Variants in GLDC observed in about 807,000 individuals in gnomAD.
The protein encoded by GLDC is glycine dehydrogenase (decarboxylating), mitochondrial.
In GLDC, 104 loss-of-function variants were observed where a neutral mutation model predicts 121.3. That is an observed-to-expected ratio of 0.86 (90% confidence interval 0.73 to 1.01). The LOEUF is 1.01. Ranked by LOEUF, GLDC falls within the 50% of genes least tolerant of loss-of-function variation. The pLI is 0.00. For missense variants in GLDC, 1,429 were observed against 1,306.6 expected, an observed-to-expected ratio of 1.09 and a Z score of -1.44; for synonymous variants, 546 against 480.6, an observed-to-expected ratio of 1.14 and a Z score of -1.78.
chr9:6,555,105 G>C (rs1348047039), intron 18 of GLDC, among the ~76,000 whole-genome samples: 1 of 152,224 alleles, frequency 6.6e-6, no homozygotes, highest in Admixed American at 6.5e-5. Flanking sequence ...TCTAACACAA[G>C]AAAGGGCAGA....
At chr9:6,577,256 G>A (rs1274607842) in intron 15 of GLDC, among the ~76,000 whole-genome samples, 1 of 152,244 alleles carries the variant, frequency 6.6e-6, no homozygotes, top group African/African-American at 2.4e-5. Context: ...TGTATTCTGA[G>A]TCCACTTGAT....
At chr9:6,628,636 A>G (rs1422317971) in intron 2 of GLDC, among the ~76,000 whole-genome samples, 2 of 152,208 alleles carry the variant, frequency 1.3e-5, no homozygotes, top group African/African-American at 4.8e-5. Context: ...AAAAAAGTCA[A>G]AGAATGAGAC....
At chr9:6,631,205 C>T (rs1186409056) in intron 2 of GLDC, among the ~76,000 whole-genome samples, 2 of 152,210 alleles carry the variant, frequency 1.3e-5, no homozygotes, top group Non-Finnish European at 2.9e-5. Flanking sequence ...AATACCACGC[C>T]TCATTCAGTC....
At chr9:6,586,656 T>C (rs576886884) in intron 15 of GLDC, among the ~76,000 whole-genome samples, 2 of 152,272 alleles carry the variant, frequency 1.3e-5, no homozygotes, top group Non-Finnish European at 2.9e-5. Context: ...CCAAAGACAG[T>C]CCGCAATGAA....
chr9:6,548,759 G>A lies in GLDC; in HGVS notation c.2569+2044C>T, dbSNP rs115691853. 4.3e-3 allele frequency among the ~76,000 whole-genome samples: 651 copies of A among 152,194 alleles called. 3 individuals are homozygous for A. Among genetic ancestry groups the A allele is most frequent in the African/African-American group, 0.015 (607 of 41,518 alleles). Reference sequence around the variant, plus strand: ...GGTCTCTGTCCTGCTCTTACTCTGGGCCCATAGCAAGGACTTGTACCTGGT... The same window carrying A: ...GGTCTCTGTCCTGCTCTTACTCTGGACCCATAGCAAGGACTTGTACCTGGT... On this transcript the variant is annotated intron_variant, in intron 21 of 24. Transcript: ENST00000321612.
chr9:6,544,391 T>G (rs1451565213), intron 21 of GLDC, among the ~76,000 whole-genome samples: 1 of 152,036 alleles, frequency 6.6e-6, no homozygotes, highest in Non-Finnish European at 1.5e-5. Flanking sequence ...AGTCGCTGTT[T>G]GTCTGATGGA....
intron 15 of GLDC, chr9:6,565,932 A>G (rs2129760192): frequency 4.7e-6 from 1 of 212,382 alleles, no homozygotes; most frequent in Non-Finnish European, 9.5e-6. Flanking sequence ...CTTCAAAGAT[A>G]AGTATTGTTT....
At chr9:6,637,159 C>T (rs1587984126) in intron 2 of GLDC, among the ~76,000 whole-genome samples, 2 of 151,912 alleles carry the variant, frequency 1.3e-5, no homozygotes, top group African/African-American at 2.4e-5. Flanking sequence ...AATCCCAGCA[C>T]TTTGGAAGGC....
At chr9:6,566,211 C>T (rs1033651807) in intron 15 of GLDC, among the ~76,000 whole-genome samples, 1 of 152,166 alleles carries the variant, frequency 6.6e-6, no homozygotes, top group African/African-American at 2.4e-5. Context: ...CCACTGCACT[C>T]CAACCTGGGT....
chr9:6,565,107 C>T (rs1817829015), intron 16 of GLDC, among the ~76,000 whole-genome samples: 1 of 152,248 alleles, frequency 6.6e-6, no homozygotes, highest in African/African-American at 2.4e-5. Context: ...CCACAGCCAA[C>T]TGGCTGACGT....
intron 24 of GLDC, among the ~76,000 whole-genome samples, chr9:6,533,707 A>T (rs1817049050): frequency 6.6e-6 from 1 of 151,844 alleles, no homozygotes; most frequent in South Asian, 2.1e-4. Context: ...AAAAATGCAA[A>T]ATTAGCCAGG....
intron 22 of GLDC, among the ~76,000 whole-genome samples, chr9:6,537,670 A>G (rs1372356868): frequency 6.6e-6 from 1 of 152,150 alleles, no homozygotes; most frequent in Non-Finnish European, 1.5e-5. Flanking sequence ...AATCCCAGCT[A>G]CTTAGAAAGC....
At chr9:6,535,935 CAGA>C in intron 23 of GLDC, 126 bp downstream of exon 23, 1 of 841,366 alleles carries the variant, frequency 1.2e-6, no homozygotes, top group Non-Finnish European at 2.0e-6. Flanking sequence ...TGCATCTTCT[CAGA>C]AGAATTACCT....
At chr9:6,595,189 T>A (rs1818468379) in intron 8 of GLDC, 70 bp from the exon 9 acceptor site, 1 of 1,021,002 alleles carries the variant, frequency 9.8e-7, no homozygotes, top group Admixed American at 1.7e-5. Flanking sequence ...ATTACTTGAC[T>A]TGGGATGTCA....
At chr9:6,541,496 G>C (rs1181799764) in intron 21 of GLDC, 2 of 152,114 alleles carry the variant, frequency 1.3e-5, no homozygotes, top group Non-Finnish European at 2.9e-5. Flanking sequence ...GACAGTCTAC[G>C]AACTGCTCTG....
intron 21 of GLDC, among the ~76,000 whole-genome samples, chr9:6,547,971 A>T (rs1817432839): frequency 1.3e-5 from 2 of 152,080 alleles, no homozygotes; most frequent in East Asian, 1.9e-4. Context: ...CTCTACAAAA[A>T]ATATATATAT....
intron 16 of GLDC, among the ~76,000 whole-genome samples, chr9:6,564,768 C>G (rs958571725): frequency 2.0e-5 from 3 of 152,216 alleles, no homozygotes; most frequent in Non-Finnish European, 4.4e-5. Context: ...CTGCTGGTCC[C>G]CACAGTGGTC....
intron 20 of GLDC, among the ~76,000 whole-genome samples, chr9:6,551,860 G>C (rs1000878241): frequency 6.6e-6 from 1 of 152,298 alleles, no homozygotes; most frequent in Admixed American, 6.5e-5. Context: ...ACTTCTCTAG[G>C]AAGGACTTCG....
chr9:6,583,590 C>A lies in GLDC; in HGVS notation c.1850+3551G>T, dbSNP rs1224958499. The stretch of plus-strand genomic sequence containing the variant: ...AAGCGGGAGGCTGAAGCAGGAAGAT[C>A]ACTTGAGCCTGGGAGGCCAAGGTTG... On this transcript the variant is annotated intron_variant, in intron 15 of 24. Coordinates refer to ENST00000321612, the MANE Select transcript of GLDC (RefSeq NM_000170.3). Among the ~76,000 whole-genome samples, 7 of 152,156 alleles carry A rather than the reference C, an allele frequency of 4.6e-5. No homozygotes were observed. The South Asian group carries it at 8.3e-4, about 18-fold the overall frequency.
Sources: allele counts gnomAD v4.1 joint callset (sites outside exome capture counted in the v4.1 genomes callset), GRCh38; gene constraint gnomAD v4.1.1; transcripts MANE v1.5; gene names NCBI Gene and HGNC (gene_info 2026-07-23, HGNC 2026-07-21).